CD84: variants seen among roughly 807,000 people sequenced by gnomAD.
The protein encoded by CD84 is CD84 molecule.
Under a neutral mutation model 33.8 loss-of-function variants are expected in CD84, and 22 were observed. The ratio of observed to expected loss-of-function variants is 0.65; its 90% CI spans 0.46 to 0.93. The LOEUF is 0.93. Among genes scored for constraint, CD84 ranks in the 40% least tolerant of loss-of-function variants. CD84 has a pLI of 0.00. For synonymous variants in CD84, 154 were observed against 145.2 expected, an observed-to-expected ratio of 1.06 and a Z score of -0.44; for missense variants, 400 against 397.6, an observed-to-expected ratio of 1.01 and a Z score of -0.05.
chr1:160,552,638 C>A, intron 4 of CD84: 1 of 1,102,390 alleles, frequency 9.1e-7, no homozygotes, highest in Non-Finnish European at 1.4e-6. Context: ...TTAGTCTTAA[C>A]CACTCTGTTG....
Position 160,565,785 on chromosome 1 carries a change from G to A in CD84, c.47-40C>T, listed in dbSNP as rs751154731. On this transcript the variant is annotated intron_variant, in intron 1 of 6. Coordinates refer to ENST00000368054, the MANE Select transcript of CD84 (RefSeq NM_003874.4). ...AGAAAACTGTAGCCATCTGACTGTTGCAGCTTTTTCACTTCCTAATCTTTT... is the reference window on the plus strand; with the variant it reads ...AGAAAACTGTAGCCATCTGACTGTTACAGCTTTTTCACTTCCTAATCTTTT... 1.8e-5 allele frequency: 26 copies of A among 1,477,174 alleles called. 1 individual carries two copies. The highest frequency in any genetic ancestry group is 1.9e-5 in the Non-Finnish European group (21 of 1,111,200). 91.5% of individuals were successfully genotyped at this position (1,477,174 alleles called of 1,614,324 possible).
In CD84 at chr1:160,546,450, G is replaced by A. The variant is rs972552365; in HGVS notation, c.*1806C>T. On this transcript the variant is annotated 3_prime_UTR_variant, in exon 7 of 7. Coordinates refer to ENST00000368054, the MANE Select transcript of CD84 (RefSeq NM_003874.4). ...TGATTAATTTTGATTCCTGATACCA[G>A]GGAAAGCTTTACAGAAGAGGTACCT... The A allele has an allele frequency of 6.6e-6, 1 of 152,230 alleles. No individual in the cohort carries two copies. Among genetic ancestry groups the A allele is most frequent in the African/African-American group, 2.4e-5 (1 of 41,448 alleles). 9.4% of individuals were successfully genotyped at this position (152,230 alleles called of 1,614,324 possible).
intron 1 of CD84, among the ~76,000 whole-genome samples, chr1:160,575,300 G>A (rs114733578): frequency 6.6e-6 from 1 of 152,094 alleles, no homozygotes; most frequent in African/African-American, 2.4e-5. Flanking sequence ...GGGACATAGA[G>A]GGGAAGAGGA....
chr1:160,542,828 A>G lies in CD84; in HGVS notation c.*5428T>C. On this transcript the variant is annotated 3_prime_UTR_variant, in exon 7 of 7. Coordinates refer to ENST00000368054, the MANE Select transcript of CD84 (RefSeq NM_003874.4). ...GACTTTTTTAATGGTCCTTTGTCGA[A>G]ATGTATTAACACTTTCATATGTTTT... 6.6e-6 allele frequency: 1 copy of G among 152,194 alleles called. No individual in the cohort carries two copies. The highest frequency in any genetic ancestry group is 1.5e-5 in the Non-Finnish European group (1 of 68,048). 9.4% of individuals were successfully genotyped at this position (152,194 alleles called of 1,614,324 possible).
intron 1 of CD84, among the ~76,000 whole-genome samples, chr1:160,578,275 G>A (rs1658092231): frequency 2.6e-5 from 4 of 152,148 alleles, no homozygotes; most frequent in Non-Finnish European, 5.9e-5. Flanking sequence ...GGTATCAAAT[G>A]CTACCTTGTC....
rs569609057 is a variant in CD84, at chr1:160,555,747, G to A, written c.389-1601C>T. 2.7e-5 allele frequency among the ~76,000 whole-genome samples: 4 copies of A among 146,880 alleles called. No individual in the cohort carries two copies. In the South Asian group the frequency reaches 8.3e-4, roughly 30 times the overall value. On this transcript the variant is annotated intron_variant, in intron 2 of 6. Coordinates refer to ENST00000368054, the MANE Select transcript of CD84 (RefSeq NM_003874.4). ...GCTATGTGAGGAAGGGAATAGAGGA[G>A]TCAGAAGGAACTGGTGCACAACTAG...
In CD84 at chr1:160,545,385, T is replaced by C. The variant is rs1655768107; in HGVS notation, c.*2871A>G. On this transcript the variant is annotated 3_prime_UTR_variant, in exon 7 of 7. Transcript: ENST00000368054. Reference sequence around the variant, plus strand: ...TTCAACGCATCCACAGAGTGAGGAGTGGTTTTATTTTAGGATAAACGCAGC... The same window carrying C: ...TTCAACGCATCCACAGAGTGAGGAGCGGTTTTATTTTAGGATAAACGCAGC... 1 of 151,948 alleles carries C rather than the reference T, an allele frequency of 6.6e-6. No individual in the cohort carries two copies. The highest frequency in any genetic ancestry group is 1.5e-5 in the Non-Finnish European group (1 of 67,976). 9.4% of individuals were successfully genotyped at this position (151,948 alleles called of 1,614,324 possible).
At chr1:160,571,409 G>C (rs1657682307) in intron 1 of CD84, 2 of 152,148 alleles carry the variant, frequency 1.3e-5, no homozygotes, top group African/African-American at 2.4e-5. Context: ...TGCCACTGAT[G>C]TCTAATGATT....
At chr1:160,575,579 C>G (rs764061186) in intron 1 of CD84, among the ~76,000 whole-genome samples, 2 of 151,976 alleles carry the variant, frequency 1.3e-5, no homozygotes, top group Non-Finnish European at 2.9e-5. Flanking sequence ...TTGCTGCCCT[C>G]TATTAGCGTG....
At chr1:160,548,522 GC>G (rs1307632359) in intron 6 of CD84, among the ~76,000 whole-genome samples, 1 of 152,110 alleles carries the variant, frequency 6.6e-6, no homozygotes, top group Non-Finnish European at 1.5e-5. Flanking sequence ...CATTTGGGAG[GC>G]CCTGAGCAAT....
intron 6 of CD84, 95 bp from the exon 7 acceptor site, chr1:160,548,416 CG>C: frequency 4.8e-6 from 6 of 1,255,338 alleles, no homozygotes; most frequent in Non-Finnish European, 4.6e-6. Context: ...GCAAATGGCA[CG>C]GGGGAATGCC....
In CD84 at chr1:160,542,746, T is replaced by C. The variant is rs945277006; in HGVS notation, c.*5510A>G. 7.2e-5 allele frequency: 11 copies of C among 152,206 alleles called. No individual in the cohort carries two copies. Among genetic ancestry groups the C allele is most frequent in the Admixed American group, 7.2e-4 (11 of 15,276 alleles). The allele number at this position is 152,206 out of a possible 1,614,324, so 9.4% of individuals were successfully genotyped here. ...CATTCCTTTATGAATTCCCAAAGTC[T>C]GCAAGTCTCTAGAGAATGTATTAGT... On this transcript the variant is annotated 3_prime_UTR_variant, in exon 7 of 7. Coordinates refer to ENST00000368054, the MANE Select transcript of CD84 (RefSeq NM_003874.4).
At chr1:160,553,678 T>TA in intron 3 of CD84, 181 bp from the exon 4 acceptor site, 1 of 952,224 alleles carries the variant, frequency 1.1e-6, no homozygotes, top group Non-Finnish European at 1.6e-6. Flanking sequence ...ATCAGAGAGT[T>TA]GATCAGGGGC....
rs1319718779 is a variant in CD84 at position 160,541,150 on chromosome 1, C to G, written c.*7106G>C. On this transcript the variant is annotated 3_prime_UTR_variant, in exon 7 of 7. Coordinates refer to ENST00000368054, the MANE Select transcript of CD84 (RefSeq NM_003874.4). ...CCTGCTGAAATGGAGCTTGTAGTCT[C>G]ATTTCTTAGGCACTTACAAGGTAAA... is the stretch of plus-strand genomic sequence containing the variant. 1 of 152,188 alleles carries G rather than the reference C, an allele frequency of 6.6e-6. No individual in the cohort carries two copies. The highest frequency in any genetic ancestry group is 1.5e-5 in the Non-Finnish European group (1 of 68,042). 9.4% of individuals were successfully genotyped at this position (152,188 alleles called of 1,614,324 possible).
intron 1 of CD84, among the ~76,000 whole-genome samples, chr1:160,576,812 T>C (rs1658015110): frequency 6.6e-6 from 1 of 152,198 alleles, no homozygotes; most frequent in Non-Finnish European, 1.5e-5. Context: ...AAATAATAAC[T>C]GTAGACTACT....
rs552070371 is a variant in CD84, at chr1:160,544,005, C to G, written c.*4251G>C. 3 of 152,196 alleles carry G rather than the reference C, an allele frequency of 2.0e-5. No homozygotes were observed. The East Asian group carries it at 5.8e-4, about 29-fold the overall frequency. The allele number at this position is 152,196 out of a possible 1,614,324, so 9.4% of individuals were successfully genotyped here. A position where few individuals can be genotyped will look rare whatever the true frequency, so the allele number is the denominator to read the frequency against. On this transcript the variant is annotated 3_prime_UTR_variant, in exon 7 of 7. Transcript: ENST00000368054. ...TTATCCCCATTTTACAGATGGACAACCTGAGGTACAGCGAGGTTAAAGTAA... is the reference window on the plus strand; with the variant it reads ...TTATCCCCATTTTACAGATGGACAAGCTGAGGTACAGCGAGGTTAAAGTAA...
At chr1:160,557,154 A>G (rs1037397957) in intron 2 of CD84, among the ~76,000 whole-genome samples, 2 of 152,230 alleles carry the variant, frequency 1.3e-5, no homozygotes, top group Admixed American at 6.5e-5. Flanking sequence ...TCTACATTCT[A>G]TAAGTGAGGA....
At chr1:160,564,451 A>G (rs1359612601) in intron 2 of CD84, among the ~76,000 whole-genome samples, 1 of 152,218 alleles carries the variant, frequency 6.6e-6, no homozygotes, top group Non-Finnish European at 1.5e-5. Context: ...TCATGCAGAA[A>G]TGTGTACACA....
At chr1:160,553,195 G>T in intron 4 of CD84, 183 bp downstream of exon 4, 1 of 975,166 alleles carries the variant, frequency 1.0e-6, no homozygotes, top group Non-Finnish European at 1.6e-6. Flanking sequence ...GGATTCTGAA[G>T]ACCATTCAGG....
Sources: allele counts gnomAD v4.1 joint callset (sites outside exome capture counted in the v4.1 genomes callset), GRCh38; gene constraint gnomAD v4.1.1; transcripts MANE v1.5; gene names NCBI Gene and HGNC (gene_info 2026-07-23, HGNC 2026-07-21).